The following LIPA variants were observed in gnomAD, a reference collection of about 807,000 sequenced individuals.
LIPA encodes lipase A, lysosomal acid type.
Under a neutral mutation model 40.6 loss-of-function variants are expected in LIPA, and 26 were observed. The observed-to-expected ratio is 0.64, with a 90% confidence interval of 0.47 to 0.89. The LOEUF (loss-of-function observed/expected upper bound fraction) is 0.89. Ranked by LOEUF, LIPA falls within the 40% of genes least tolerant of loss-of-function variation. The probability of loss-of-function intolerance (pLI) is 0.00; values close to 1 mark genes in which losing one functional copy is unlikely to be tolerated. For synonymous variants in LIPA, 188 were observed against 168.4 expected, an observed-to-expected ratio of 1.12 and a Z score of -0.90; for missense variants, 455 against 479.6, an observed-to-expected ratio of 0.95 and a Z score of 0.48.
Position 89,228,918 on chromosome 10 carries a change from T to G in LIPA, c.230-520A>C, listed in dbSNP as rs530924458. On this transcript the variant is annotated intron_variant, in intron 3 of 9. Coordinates refer to ENST00000336233, the MANE Select transcript of LIPA (RefSeq NM_000235.4). ...ATTCATTGCTGGTGGAAATGCAAACTGGTAGCACCACACTGGAAAAGTTTG... is the reference window on the plus strand; with the variant it reads ...ATTCATTGCTGGTGGAAATGCAAACGGGTAGCACCACACTGGAAAAGTTTG... Among the ~76,000 whole-genome samples, 13 of 152,338 alleles carry G rather than the reference T, an allele frequency of 8.5e-5. No individual in the cohort carries two copies. In the South Asian group the frequency reaches 2.3e-3, roughly 27 times the overall value.
At chr10:89,263,812 G>T (rs1174827946) in intron 1 of LIPA, among the ~76,000 whole-genome samples, 1 of 152,142 alleles carries the variant, frequency 6.6e-6, no homozygotes, top group East Asian at 1.9e-4. Context: ...GGTGTAGAGT[G>T]GTGAGAGGTG....
At chr10:89,241,765 G>A (rs183932173) in intron 3 of LIPA, among the ~76,000 whole-genome samples, 5 of 152,182 alleles carry the variant, frequency 3.3e-5, no homozygotes, top group African/African-American at 4.8e-5. Flanking sequence ...GCAATCAGAT[G>A]CATAACTTTC....
chr10:89,268,395 T>C (rs1245117792), intron 1 of LIPA, among the ~76,000 whole-genome samples: 1 of 152,242 alleles, frequency 6.6e-6, no homozygotes, highest in African/African-American at 2.4e-5. Context: ...GTTGATTGTG[T>C]TTTTTAAATA....
At chr10:89,242,167 T>C (rs1842972079) in intron 3 of LIPA, among the ~76,000 whole-genome samples, 1 of 152,210 alleles carries the variant, frequency 6.6e-6, no homozygotes. Flanking sequence ...ACAGAGCCAC[T>C]TCCCTATGAA....
chr10:89,227,526 C>A (rs1488665427), intron 4 of LIPA, among the ~76,000 whole-genome samples: 1 of 152,150 alleles, frequency 6.6e-6, no homozygotes, highest in Admixed American at 6.6e-5. Context: ...GGGAAGCAAG[C>A]CCGGAGGCTG....
At chr10:89,297,172 G>A (rs1843420146) in intron 1 of LIPA, among the ~76,000 whole-genome samples, 1 of 152,124 alleles carries the variant, frequency 6.6e-6, no homozygotes, top group African/African-American at 2.4e-5. Flanking sequence ...AGAGGGCCTT[G>A]GCATTTCAGG....
At chr10:89,271,997 T>C (rs990759252) in intron 1 of LIPA, among the ~76,000 whole-genome samples, 1 of 151,824 alleles carries the variant, frequency 6.6e-6, no homozygotes, top group African/African-American at 2.4e-5. Context: ...TTGTGCCTGG[T>C]AGGCTGAGGC....
chr10:89,339,369 T>C (rs1316032358), intron 1 of LIPA: 2 of 1,614,026 alleles, frequency 1.2e-6, no homozygotes, highest in African/African-American at 1.3e-5. Context: ...AAAAGTCTCC[T>C]TGCCAAACAG....
rs1366923254 is a variant in LIPA at position 89,213,732 on chromosome 10, A to C, written c.*1096T>G. 2.6e-5 allele frequency: 4 copies of C among 152,244 alleles called. No homozygotes were observed. Among genetic ancestry groups the C allele is most frequent in the African/African-American group, 9.6e-5 (4 of 41,458 alleles). 9.4% of individuals were successfully genotyped at this position (152,244 alleles called of 1,614,324 possible). On this transcript the variant is annotated 3_prime_UTR_variant, in exon 10 of 10. Coordinates refer to ENST00000336233, the MANE Select transcript of LIPA (RefSeq NM_000235.4). Reference sequence around the variant, plus strand: ...AAACATATCAATTGTCATTTTGTCCACCGGACAGTATTGTAAGGAAATGAT... The same window carrying C: ...AAACATATCAATTGTCATTTTGTCCCCCGGACAGTATTGTAAGGAAATGAT...
At chr10:89,356,588 C>G (rs1055073805) in intron 2 of LIPA, among the ~76,000 whole-genome samples, 2 of 152,192 alleles carry the variant, frequency 1.3e-5, no homozygotes, top group African/African-American at 4.8e-5. Flanking sequence ...TTATGAGAAT[C>G]TAATGCCTGC....
chr10:89,397,251 CT>C (rs1844357321), intron 2 of LIPA, among the ~76,000 whole-genome samples: 4 of 151,918 alleles, frequency 2.6e-5, no homozygotes, highest in African/African-American at 7.3e-5. Context: ...TCCTTATGTA[CT>C]GGTTATTTTT....
chr10:89,392,957 C>G, intron 2 of LIPA: 1 of 663,512 alleles, frequency 1.5e-6, no homozygotes. Flanking sequence ...CATGCTATAG[C>G]CCAAAGAAGG....
At chr10:89,410,759 G>A (rs963322924) in intron 2 of LIPA, among the ~76,000 whole-genome samples, 3 of 152,214 alleles carry the variant, frequency 2.0e-5, no homozygotes, top group Admixed American at 6.5e-5. Context: ...GGGAAACCAC[G>A]GAGTTATTGC....
intron 2 of LIPA, among the ~76,000 whole-genome samples, chr10:89,397,704 A>G (rs1296093280): frequency 1.3e-5 from 2 of 152,024 alleles, no homozygotes; most frequent in African/African-American, 4.8e-5. Context: ...TTTATTGGCC[A>G]TTTATATTGG....
chr10:89,215,054 G>A lies in LIPA; in HGVS notation c.974C>T (p.Pro325Leu), dbSNP rs1326903845. ...CATGTCCTTCACATTGTATGTGGGA[G>A]GATAACTCTACAATGAAAAGGAACC... ...KNYFHYNQSYPPTYNVKDMLV... is the reference protein window; with the variant it reads ...KNYFHYNQSYLPTYNVKDMLV... The change falls in exon 10 of 10, where the codon CCT (proline) becomes CTT (leucine). Residue 325 changes from proline (P) to leucine (L), a missense_variant. Coordinates refer to ENST00000336233, the MANE Select transcript of LIPA (RefSeq NM_000235.4). 5.0e-6 allele frequency: 8 copies of A among 1,609,550 alleles called. No individual in the cohort carries two copies. Among genetic ancestry groups the A allele is most frequent in the African/African-American group, 1.3e-5 (1 of 74,914 alleles).
chr10:89,265,817 T>C (rs1843232887), intron 1 of LIPA, among the ~76,000 whole-genome samples: 1 of 152,232 alleles, frequency 6.6e-6, no homozygotes. Context: ...GACCTCAACA[T>C]GAGAGAACTA....
intron 8 of LIPA, among the ~76,000 whole-genome samples, chr10:89,217,289 T>C (rs1334212458): frequency 6.6e-6 from 1 of 152,230 alleles, no homozygotes; most frequent in Non-Finnish European, 1.5e-5. Context: ...CAGAGTGAGA[T>C]GATATACTAT....
In LIPA at chr10:89,235,814, CT is replaced by C. The variant is rs1176331075; in HGVS notation, c.230-7417del. On this transcript the variant is annotated intron_variant, in intron 3 of 9. Coordinates refer to ENST00000336233, the MANE Select transcript of LIPA (RefSeq NM_000235.4). ...AACTTTGTAGGATTTGCTCAACTCT[CT>C]CTGAAGTATAGGTGTCCTTTTCTAA... 3.9e-5 allele frequency among the ~76,000 whole-genome samples: 6 copies of C among 152,366 alleles called. No individual in the cohort carries two copies. The South Asian group carries it at 1.2e-3, about 32-fold the overall frequency.
At chr10:89,359,239 C>T (rs541267682) in intron 2 of LIPA, among the ~76,000 whole-genome samples, 90 of 152,146 alleles carry the variant, frequency 5.9e-4, no homozygotes, top group African/African-American at 2.0e-3. Flanking sequence ...AGGGAGGACA[C>T]ATTTTGGGGC....
Sources: gnomAD v4.1 joint callset for allele counts (sites outside exome capture counted in the v4.1 genomes callset) on GRCh38, gnomAD v4.1.1 for gene constraint, MANE v1.5 for transcripts, NCBI Gene and HGNC (gene_info 2026-07-23, HGNC 2026-07-21) for gene names.